Variants in ATXN1 observed in about 807,000 individuals in gnomAD.
The protein encoded by ATXN1 is ataxin 1.
A neutral mutation model predicts 56.4 loss-of-function variants in ATXN1; 8 were observed. The observed-to-expected ratio is 0.14, with a 90% CI of 0.08 to 0.26. The LOEUF (loss-of-function observed/expected upper bound fraction) is 0.26. ATXN1 is among the 10% of genes least tolerant of loss of function. The pLI is 1.00. For synonymous variants in ATXN1, 514 were observed against 494.6 expected (o/e 1.04, Z -0.52); for missense variants, 987 against 1,106.5 (o/e 0.89, Z 1.53).
At chr6:16,517,735 T>G (rs1561735875) in intron 5 of ATXN1, among the ~76,000 whole-genome samples, 1 of 152,152 alleles carries the variant, frequency 6.6e-6, no homozygotes. Flanking sequence ...TGCACACACA[T>G]GCATACAAAG....
intron 6 of ATXN1, among the ~76,000 whole-genome samples, chr6:16,465,526 G>C (rs991345939): frequency 6.6e-6 from 1 of 152,158 alleles, no homozygotes; most frequent in Admixed American, 6.5e-5. Context: ...GGCAAGGTTT[G>C]AAGGGCTAGA....
At chr6:16,332,512 G>A (rs1039353608) in intron 6 of ATXN1, among the ~76,000 whole-genome samples, 4 of 152,136 alleles carry the variant, frequency 2.6e-5, no homozygotes, top group African/African-American at 4.8e-5. Context: ...CCTCCCAGGG[G>A]ACCCCCGAGG....
chr6:16,335,443 G>A (rs963349523), intron 6 of ATXN1, among the ~76,000 whole-genome samples: 1 of 152,202 alleles, frequency 6.6e-6, no homozygotes, highest in African/African-American at 2.4e-5. Context: ...TGGGACATGG[G>A]ATCTTGCTCT....
intron 3 of ATXN1, among the ~76,000 whole-genome samples, chr6:16,631,320 T>C (rs1323394045): frequency 2.6e-5 from 4 of 152,208 alleles, no homozygotes; most frequent in Non-Finnish European, 5.9e-5. Flanking sequence ...TCACAGGGTA[T>C]GCAGTGATCT....
At chr6:16,656,547 T>C (rs1259527245) in intron 3 of ATXN1, among the ~76,000 whole-genome samples, 3 of 152,248 alleles carry the variant, frequency 2.0e-5, no homozygotes, top group Non-Finnish European at 2.9e-5. Context: ...TGCTCTGGAA[T>C]GGTTTTATCA....
intron 6 of ATXN1, among the ~76,000 whole-genome samples, chr6:16,398,616 G>T (rs896766943): frequency 6.6e-6 from 1 of 152,190 alleles, no homozygotes; most frequent in African/African-American, 2.4e-5. Flanking sequence ...GAGTGTGTAT[G>T]TGTGTGTCTA....
chr6:16,652,083 A>G (rs966277946), intron 3 of ATXN1: 10 of 152,250 alleles, frequency 6.6e-5, no homozygotes, highest in Admixed American at 6.5e-5. Context: ...ACAAAACCAC[A>G]CAGCTTCTCT....
intron 2 of ATXN1, among the ~76,000 whole-genome samples, chr6:16,748,698 G>T (rs1391011953): frequency 6.6e-6 from 1 of 152,140 alleles, no homozygotes; most frequent in Non-Finnish European, 1.5e-5. Context: ...AATAATTGCA[G>T]ACAAGAACGA....
intron 6 of ATXN1, among the ~76,000 whole-genome samples, chr6:16,444,193 G>A (rs529886925): frequency 1.7e-4 from 26 of 151,844 alleles, no homozygotes; most frequent in African/African-American, 6.0e-4. Flanking sequence ...CACTGGCTGT[G>A]TCCACTGGAA....
At chr6:16,598,019 G>A (rs1762845459) in intron 3 of ATXN1, among the ~76,000 whole-genome samples, 3 of 152,076 alleles carry the variant, frequency 2.0e-5, no homozygotes. Context: ...CACACAAAAT[G>A]ATAAACTGGT....
At chr6:16,449,257 A>G (rs1759704551) in intron 6 of ATXN1, among the ~76,000 whole-genome samples, 1 of 152,198 alleles carries the variant, frequency 6.6e-6, no homozygotes, top group Non-Finnish European at 1.5e-5. Flanking sequence ...AGACCAGACA[A>G]AACACCCTGA....
intron 2 of ATXN1, among the ~76,000 whole-genome samples, chr6:16,689,500 C>CTTTTTCT (rs1758996093): frequency 1.5e-5 from 2 of 131,384 alleles, no homozygotes; most frequent in Admixed American, 7.8e-5. Context: ...TTTTTCCTTC[C>CTTTTTCT]TTTTTTTTTC....
intron 6 of ATXN1, among the ~76,000 whole-genome samples, chr6:16,385,443 C>T (rs375383966): frequency 4.6e-5 from 7 of 152,202 alleles, no homozygotes; most frequent in South Asian, 4.1e-4. Context: ...GAAGAGGAGG[C>T]GGACAGGGGA....
chr6:16,705,823 G>A (rs1759394887), intron 2 of ATXN1, among the ~76,000 whole-genome samples: 1 of 152,034 alleles, frequency 6.6e-6, no homozygotes, highest in Non-Finnish European at 1.5e-5. Context: ...TTCCTCTCTG[G>A]TCTCCTTGCC....
chr6:16,746,853 C>A (rs1760551367), intron 2 of ATXN1, among the ~76,000 whole-genome samples: 1 of 151,986 alleles, frequency 6.6e-6, no homozygotes, highest in Admixed American at 6.6e-5. Flanking sequence ...GCAAGAATTA[C>A]AATAAAATCT....
At chr6:16,381,110 T>C (rs7774332) in intron 6 of ATXN1, among the ~76,000 whole-genome samples, 77,166 of 151,956 alleles carry the variant, frequency 0.51, 20,967 homozygotes, top group East Asian at 0.99. Context: ...GCCAACATGG[T>C]GAAACCCTGT....
chr6:16,465,574 A>G (rs1208899294), intron 6 of ATXN1, among the ~76,000 whole-genome samples: 3 of 152,168 alleles, frequency 2.0e-5, no homozygotes, highest in Non-Finnish European at 4.4e-5. Context: ...AGGAGGATGC[A>G]ATGATTCAGA....
chr6:16,398,300 T>C (rs1758495421), intron 6 of ATXN1, among the ~76,000 whole-genome samples: 1 of 152,192 alleles, frequency 6.6e-6, no homozygotes, highest in Non-Finnish European at 1.5e-5. Flanking sequence ...TTCCTAAAGA[T>C]GTCCTAGGCA....
At chr6:16,401,427 C>A (rs1184495060) in intron 6 of ATXN1, among the ~76,000 whole-genome samples, 1 of 152,008 alleles carries the variant, frequency 6.6e-6, no homozygotes, top group East Asian at 1.9e-4. Context: ...ACCCTTGACT[C>A]TAAAAAACAT....
Sources: allele counts gnomAD v4.1 joint callset (sites outside exome capture counted in the v4.1 genomes callset), GRCh38; gene constraint gnomAD v4.1.1; transcripts MANE v1.5; gene names NCBI Gene and HGNC (gene_info 2026-07-23, HGNC 2026-07-21).